DPP10: variants seen among roughly 807,000 people sequenced by gnomAD.
DPP10 encodes dipeptidyl peptidase like 10, also known as inactive dipeptidyl peptidase 10.
Under a neutral mutation model 120.9 loss-of-function variants are expected in DPP10, and 33 were observed. The observed-to-expected ratio is 0.27, with a 90% CI of 0.21 to 0.37. The LOEUF is 0.37. DPP10 is among the 10% of genes least tolerant of loss of function. The pLI, the probability that DPP10 is intolerant of heterozygous loss-of-function variation, is 1.00. For synonymous variants in DPP10, 337 were observed against 326.1 expected, an observed-to-expected ratio of 1.03 and a Z score of -0.36; for missense variants, 816 against 942.8, an observed-to-expected ratio of 0.87 and a Z score of 1.76.
At chr2:114,652,117 C>T (rs115553897) in intron 1 of DPP10, among the ~76,000 whole-genome samples, 75 of 152,082 alleles carry the variant, frequency 4.9e-4, no homozygotes, top group African/African-American at 1.6e-3. Flanking sequence ...AGCCCACATC[C>T]GGTAATCCTT....
intron 1 of DPP10, among the ~76,000 whole-genome samples, chr2:115,020,809 T>C (rs1468376349): frequency 2.0e-5 from 3 of 152,132 alleles, no homozygotes; most frequent in Non-Finnish European, 4.4e-5. Flanking sequence ...ACTAAAATTA[T>C]ATTAAGTATT....
intron 1 of DPP10, among the ~76,000 whole-genome samples, chr2:115,122,099 T>TA: frequency 1.3e-5 from 2 of 152,328 alleles, no homozygotes; most frequent in South Asian, 4.1e-4. Context: ...TTCCTGCACT[T>TA]ATGGCAGACT....
intron 1 of DPP10, among the ~76,000 whole-genome samples, chr2:114,737,959 G>A (rs960512226): frequency 7.2e-5 from 11 of 152,196 alleles, no homozygotes; most frequent in South Asian, 2.1e-4. Flanking sequence ...ATGCGTTCAC[G>A]GTTCTGCAGG....
At chr2:114,783,797 G>A (rs1682536184) in intron 1 of DPP10, among the ~76,000 whole-genome samples, 1 of 151,928 alleles carries the variant, frequency 6.6e-6, no homozygotes, top group African/African-American at 2.4e-5. Context: ...TTGCGTCACT[G>A]CACTCCAGTC....
rs114710332 is a variant in DPP10, at chr2:114,876,800, A to G, written c.61-432439A>G. ...GGAATTCTTAATCTTGGAACTATTG[A>G]CATTTGGAGTCATGATCAGCTACAT... On this transcript the variant is annotated intron_variant, in intron 1 of 25. Coordinates refer to ENST00000410059, the MANE Select transcript of DPP10 (RefSeq NM_020868.6). 6.5e-3 allele frequency among the ~76,000 whole-genome samples: 988 copies of G among 152,148 alleles called. 14 individuals are homozygous for G. Among genetic ancestry groups the G allele is most frequent in the African/African-American group, 0.023 (948 of 41,520 alleles).
intron 5 of DPP10, among the ~76,000 whole-genome samples, chr2:115,614,369 C>T (rs918894245): frequency 6.6e-6 from 1 of 152,066 alleles, no homozygotes; most frequent in Non-Finnish European, 1.5e-5. Context: ...TTTTCAAGTG[C>T]CCCTCTGTTG....
intron 1 of DPP10, among the ~76,000 whole-genome samples, chr2:114,815,110 C>T (rs1685516520): frequency 6.6e-6 from 1 of 152,176 alleles, no homozygotes. Context: ...ACTTTCCCCA[C>T]CTGGGATGGT....
At chr2:115,308,738 A>C (rs1057503526) in intron 1 of DPP10, among the ~76,000 whole-genome samples, 1 of 148,920 alleles carries the variant, frequency 6.7e-6, no homozygotes. Flanking sequence ...AGAACTGTTT[A>C]AAAAAGACCT....
chr2:115,468,677 A>T, intron 3 of DPP10: 1 of 354,336 alleles, frequency 2.8e-6, no homozygotes. Context: ...CTGAAGGATT[A>T]AAAAGGAAGA....
At chr2:114,987,804 C>CTTTCTTTTTTTT (rs1553466109) in intron 1 of DPP10, among the ~76,000 whole-genome samples, 1 of 101,034 alleles carries the variant, frequency 9.9e-6, no homozygotes, top group Non-Finnish European at 1.8e-5. Context: ...TGGAGACTGT[C>CTTTCTTTTTTTT]TTTTTTTTTT....
At chr2:115,828,618 A>C (rs1251336774) in intron 21 of DPP10, among the ~76,000 whole-genome samples, 1 of 152,060 alleles carries the variant, frequency 6.6e-6, no homozygotes, top group African/African-American at 2.4e-5. Context: ...TCATTCTTCA[A>C]GGTAGCAAGC....
intron 1 of DPP10, among the ~76,000 whole-genome samples, chr2:114,784,674 C>G (rs1682621337): frequency 1.3e-5 from 2 of 152,082 alleles, no homozygotes; most frequent in South Asian, 4.2e-4. Context: ...TCAGGGAACT[C>G]CACACAGGCA....
chr2:114,517,318 C>T (rs1330200598), intron 1 of DPP10, among the ~76,000 whole-genome samples: 1 of 151,978 alleles, frequency 6.6e-6, no homozygotes, highest in East Asian at 1.9e-4. Context: ...GTCAGGAGTT[C>T]GAGACCAGCC....
At chr2:114,925,777 A>C (rs1462551540) in intron 1 of DPP10, among the ~76,000 whole-genome samples, 2 of 152,138 alleles carry the variant, frequency 1.3e-5, no homozygotes, top group Non-Finnish European at 2.9e-5. Context: ...AGACCCTGTT[A>C]CAAATACTAA....
rs567030844 is a variant in DPP10 at position 115,585,598 on chromosome 2, C to T, written c.441+59626C>T. On this transcript the variant is annotated intron_variant, in intron 5 of 25. Transcript: ENST00000410059. The stretch of plus-strand genomic sequence containing the variant: ...CTTCCTTTCTTTTTTCCTTTTTCCT[C>T]AAAGAAACAAAGATACCATACAGTC... Among the ~76,000 whole-genome samples the T allele has an allele frequency of 1.3e-4, 20 of 152,260 alleles. No homozygotes were observed. The South Asian group carries it at 3.5e-3, about 27-fold the overall frequency.
intron 3 of DPP10, among the ~76,000 whole-genome samples, chr2:115,453,379 TCA>T (rs1324527705): frequency 2.0e-5 from 3 of 151,576 alleles, no homozygotes; most frequent in Non-Finnish European, 4.4e-5. Flanking sequence ...ATAAACAAAA[TCA>T]CAGTGTTCTG....
chr2:114,484,559 G>T (rs894517232), intron 1 of DPP10, among the ~76,000 whole-genome samples: 7 of 152,044 alleles, frequency 4.6e-5, no homozygotes, highest in African/African-American at 1.4e-4. Context: ...TTGTTTTGTG[G>T]TTTTTTAATG....
At chr2:115,456,416 T>C (rs151258802) in intron 3 of DPP10, among the ~76,000 whole-genome samples, 2,515 of 152,292 alleles carry the variant, frequency 0.017, 61 homozygotes, top group African/African-American at 0.057. Context: ...TCCTCAAGGA[T>C]CTAGAACTAG....
At chr2:114,481,090 C>T (rs1681002031) in intron 1 of DPP10, among the ~76,000 whole-genome samples, 1 of 150,926 alleles carries the variant, frequency 6.6e-6, no homozygotes, top group African/African-American at 2.4e-5. Context: ...AGATTTGACA[C>T]CGAAAGCATG....
Sources: gnomAD v4.1 joint callset for allele counts (sites outside exome capture counted in the v4.1 genomes callset) on GRCh38, gnomAD v4.1.1 for gene constraint, MANE v1.5 for transcripts, NCBI Gene and HGNC (gene_info 2026-07-23, HGNC 2026-07-21) for gene names.